The following PCDHGA7 variants were observed in gnomAD, a reference collection of about 807,000 sequenced individuals.
PCDHGA7 encodes protocadherin gamma subfamily A, 7, also known as protocadherin gamma-A7.
In PCDHGA7, 44 loss-of-function variants were observed where a neutral mutation model predicts 58.3. That is an observed-to-expected ratio of 0.75 (90% CI 0.59 to 0.97). PCDHGA7 has a LOEUF of 0.97. Among genes scored for constraint, PCDHGA7 ranks in the 50% least tolerant of loss-of-function variants. The pLI is 0.00. For missense variants in PCDHGA7, 1,266 were observed against 1,188.7 expected (o/e 1.06, Z -0.96); for synonymous variants, 516 against 504.2 (o/e 1.02, Z -0.31).
intron 1 of PCDHGA7, chr5:141,428,040 G>A: frequency 6.2e-7 from 1 of 1,608,668 alleles, no homozygotes; most frequent in Non-Finnish European, 8.5e-7. Flanking sequence ...CGGCTACCTG[G>A]TGACCAAGGT....
At chr5:141,488,687 GA>G (rs1238909682) in intron 1 of PCDHGA7, among the ~76,000 whole-genome samples, 1 of 152,192 alleles carries the variant, frequency 6.6e-6, no homozygotes, top group East Asian at 1.9e-4. Flanking sequence ...GCCTCTCCCA[GA>G]AGGACAAGAT....
chr5:141,464,048 T>C (rs377735829), intron 1 of PCDHGA7, among the ~76,000 whole-genome samples: 1 of 152,260 alleles, frequency 6.6e-6, no homozygotes, highest in South Asian at 2.1e-4. Context: ...GTGGATCACC[T>C]GAGGTCAGGA....
chr5:141,487,485 G>A lies in PCDHGA7; in HGVS notation c.2425-7322G>A. On this transcript the variant is annotated intron_variant, in intron 1 of 3. Transcript: ENST00000518325. The surrounding 1 kb of genome is among the most constrained non-coding windows in gnomAD (Gnocchi z 5.0). ...GTTGATGTGGGAGGCCACTCTCATG[G>A]CTGTACACCCTTGGCTTCTGCACCC... The A allele has an allele frequency of 6.2e-7, 1 of 1,614,164 alleles. No homozygotes were observed. Among genetic ancestry groups the A allele is most frequent in the Non-Finnish European group, 8.5e-7 (1 of 1,180,030 alleles).
At chr5:141,399,075 A>C (rs759361503) in intron 1 of PCDHGA7, 1 of 1,613,868 alleles carries the variant, frequency 6.2e-7, no homozygotes, top group Non-Finnish European at 8.5e-7. Flanking sequence ...TGGTTGTAGA[A>C]GGGAGGGATG....
intron 1 of PCDHGA7, chr5:141,402,959 G>C: frequency 1.2e-5 from 19 of 1,604,470 alleles, no homozygotes; most frequent in Non-Finnish European, 1.5e-5. Context: ...AGCAATGGCA[G>C]CTCCAACCAA....
rs976135607 is a variant in PCDHGA7 at position 141,489,115 on chromosome 5, C to A, written c.2425-5692C>A. ...CTAAGAACTGCTGCAAGCAGGCAAA[C>A]CTCCGAGCAGTTTTTAAGAGGCTGG... On this transcript the variant is annotated intron_variant, in intron 1 of 3. Coordinates refer to ENST00000518325, the MANE Select transcript of PCDHGA7 (RefSeq NM_018920.4). This position sits in a 1 kb window ranked among gnomAD's most constrained non-coding sequence, Gnocchi z 4.5. 7.3e-5 allele frequency: 37 copies of A among 506,794 alleles called. No homozygotes were observed. Among genetic ancestry groups the A allele is most frequent in the Non-Finnish European group, 1.2e-4 (35 of 298,604 alleles). 31.4% of individuals were successfully genotyped at this position (506,794 alleles called of 1,614,324 possible).
chr5:141,505,341 A>T, intron 2 of PCDHGA7, 52 bp from the exon 3 acceptor site: 1 of 1,612,728 alleles, frequency 6.2e-7, no homozygotes, highest in Non-Finnish European at 8.5e-7. Flanking sequence ...CAGGAGGGGC[A>T]TGAGCTGTGC....
At position 141,485,305 on chromosome 5, in the gene PCDHGA7, T is replaced by C. The variant is rs1344645695; in HGVS notation, c.2425-9502T>C. The C allele has an allele frequency of 3.7e-6, 6 of 1,614,000 alleles. No individual in the cohort carries two copies. In the East Asian group the frequency reaches 1.3e-4, roughly 36 times the overall value. Reference sequence around the variant, plus strand: ...CAGAGGAGTCACAGGAAGGGACTTTTGTAGGGAATGTCGCTCAAGATTTCC... The same window carrying C: ...CAGAGGAGTCACAGGAAGGGACTTTCGTAGGGAATGTCGCTCAAGATTTCC... On this transcript the variant is annotated intron_variant, in intron 1 of 3. Coordinates refer to ENST00000518325, the MANE Select transcript of PCDHGA7 (RefSeq NM_018920.4). This position sits in a 1 kb window ranked among gnomAD's most constrained non-coding sequence, Gnocchi z 5.7.
intron 2 of PCDHGA7, among the ~76,000 whole-genome samples, chr5:141,501,620 T>G (rs1393018933): frequency 6.6e-6 from 1 of 152,090 alleles, no homozygotes; most frequent in Non-Finnish European, 1.5e-5. Context: ...GACTCTGGTA[T>G]AGTCTCTCAA....
intron 1 of PCDHGA7, chr5:141,393,012 G>T: frequency 1.9e-6 from 3 of 1,613,842 alleles, no homozygotes; most frequent in Non-Finnish European, 2.5e-6. Context: ...AGTCCGTATC[G>T]TCTCCAGAGG....
chr5:141,478,347 C>T, intron 1 of PCDHGA7: 2 of 1,613,802 alleles, frequency 1.2e-6, no homozygotes, highest in Non-Finnish European at 1.7e-6. Context: ...TCCTTGCACG[C>T]GGACGCCGTG....
chr5:141,430,957 C>T (rs771551541), intron 1 of PCDHGA7: 42 of 1,611,532 alleles, frequency 2.6e-5, no homozygotes, highest in Middle Eastern at 3.3e-4. Context: ...GAGTCCGCAT[C>T]ATCCCCAGAG....
intron 1 of PCDHGA7, chr5:141,400,592 G>A: frequency 3.7e-6 from 6 of 1,603,194 alleles, no homozygotes; most frequent in Non-Finnish European, 5.1e-6. Flanking sequence ...TGAAACTATC[G>A]TACATTTTCA....
intron 1 of PCDHGA7, chr5:141,405,392 TTC>T (rs1477182661): frequency 6.3e-7 from 1 of 1,595,986 alleles, no homozygotes; most frequent in Non-Finnish European, 8.5e-7. Flanking sequence ...TTCATTTTTT[TTC>T]TTTCTTTCTT....
In PCDHGA7 at chr5:141,388,019, C is replaced by T. The variant is rs1218468252; in HGVS notation, c.2424+2696C>T. On this transcript the variant is annotated intron_variant, in intron 1 of 3. Transcript: ENST00000518325. ...TTCCCGAGGAAATGCCCAAGGGCTC[C>T]GTAGTGGGGAACCTCGCCACGGACC... 4.1e-6 allele frequency: 6 copies of T among 1,458,652 alleles called. 1 individual carries two copies. The highest frequency in any genetic ancestry group is 2.4e-4 in the Middle Eastern group (1 of 4,164). 90.4% of individuals were successfully genotyped at this position (1,458,652 alleles called of 1,614,324 possible). A position where few individuals can be genotyped will look rare whatever the true frequency, so the allele number is the denominator to read the frequency against.
chr5:141,398,835 T>G (rs371527677), intron 1 of PCDHGA7: 60 of 1,613,796 alleles, frequency 3.7e-5, no homozygotes, highest in Non-Finnish European at 4.9e-5. Context: ...CCGACGCCAA[T>G]GATAATCCCC....
intron 1 of PCDHGA7, chr5:141,388,777 A>C: frequency 6.2e-7 from 1 of 1,613,964 alleles, no homozygotes; most frequent in South Asian, 1.1e-5. Flanking sequence ...AACACCGGGG[A>C]AATTACTGTT....
chr5:141,437,617 C>T (rs570138576), intron 1 of PCDHGA7, among the ~76,000 whole-genome samples: 1 of 152,102 alleles, frequency 6.6e-6, no homozygotes, highest in Admixed American at 6.6e-5. Flanking sequence ...CTGCTTTATC[C>T]CCATATAAGA....
At chr5:141,410,037 G>T (rs760397726) in intron 1 of PCDHGA7, 2 of 1,613,250 alleles carry the variant, frequency 1.2e-6, no homozygotes, top group South Asian at 2.2e-5. Flanking sequence ...CTGCAGGCCA[G>T]TGAGCCCGGA....
Sources: gnomAD v4.1 joint callset for allele counts (sites outside exome capture counted in the v4.1 genomes callset) on GRCh38, gnomAD v4.1.1 for gene constraint, Gnocchi (gnomAD v3.1) non-coding constraint, MANE v1.5 for transcripts, NCBI Gene and HGNC (gene_info 2026-07-23, HGNC 2026-07-21) for gene names.